HS6ST3: variants seen among roughly 807,000 people sequenced by gnomAD.
The protein encoded by HS6ST3 is heparan sulfate 6-O-sulfotransferase 3.
In HS6ST3, 12 loss-of-function variants were observed where a neutral mutation model predicts 36.7. The observed-to-expected ratio is 0.33, with a 90% confidence interval of 0.21 to 0.53. The LOEUF is 0.53. Ranked by LOEUF, HS6ST3 falls within the 20% of genes least tolerant of loss-of-function variation. HS6ST3 has a pLI of 0.95. For missense variants in HS6ST3, 584 were observed against 640.9 expected (o/e 0.91, Z 0.96); for synonymous variants, 240 against 257.5 (o/e 0.93, Z 0.65).
At chr13:96,511,749 T>C (rs1181664536) in intron 1 of HS6ST3, among the ~76,000 whole-genome samples, 2 of 152,082 alleles carry the variant, frequency 1.3e-5, no homozygotes, top group African/African-American at 4.8e-5. Context: ...CCATCAGTGT[T>C]GGTTTGTGTC....
At chr13:96,145,259 C>G (rs1035860975) in intron 1 of HS6ST3, among the ~76,000 whole-genome samples, 5 of 151,320 alleles carry the variant, frequency 3.3e-5, no homozygotes, top group African/African-American at 1.2e-4. Context: ...AACTAGTTTA[C>G]AGTCCCACCA....
intron 1 of HS6ST3, among the ~76,000 whole-genome samples, chr13:96,189,610 G>A (rs929478242): frequency 7.9e-5 from 12 of 152,156 alleles, no homozygotes; most frequent in African/African-American, 2.4e-4. Flanking sequence ...AACATTTGCT[G>A]CAGTAATAAC....
chr13:96,289,833 G>A (rs531740557), intron 1 of HS6ST3, among the ~76,000 whole-genome samples: 11 of 147,854 alleles, frequency 7.4e-5, no homozygotes, highest in African/African-American at 2.2e-4. Context: ...ATTCAAGGGC[G>A]AAGCTTTATC....
intron 1 of HS6ST3, among the ~76,000 whole-genome samples, chr13:96,624,405 T>C (rs1397770486): frequency 1.3e-5 from 2 of 152,244 alleles, no homozygotes; most frequent in Non-Finnish European, 2.9e-5. Flanking sequence ...TTGTATTTCA[T>C]ATAAATGGAA....
At chr13:96,755,532 T>C (rs550382026) in intron 1 of HS6ST3, among the ~76,000 whole-genome samples, 66 of 152,140 alleles carry the variant, frequency 4.3e-4, no homozygotes, top group Non-Finnish European at 8.8e-4. Flanking sequence ...GCCTGGCTAA[T>C]TTTTGTATTT....
intron 1 of HS6ST3, among the ~76,000 whole-genome samples, chr13:96,692,850 C>A (rs1483864097): frequency 6.6e-6 from 1 of 152,110 alleles, no homozygotes; most frequent in African/African-American, 2.4e-5. Flanking sequence ...TCAAAACTTA[C>A]TATGTAGGAG....
intron 1 of HS6ST3, among the ~76,000 whole-genome samples, chr13:96,237,821 G>A (rs1334166091): frequency 1.3e-5 from 2 of 152,098 alleles, no homozygotes; most frequent in African/African-American, 4.8e-5. Flanking sequence ...GAAACATTCT[G>A]CATTTTGCTT....
Position 96,764,963 on chromosome 13 carries a change from T to G in HS6ST3, c.708-67527T>G, listed in dbSNP as rs868600320. Among the ~76,000 whole-genome samples, 47 of 152,166 alleles carry G rather than the reference T, an allele frequency of 3.1e-4. 1 individual carries two copies. The highest frequency in any genetic ancestry group is 1.1e-3 in the African/African-American group (46 of 41,434). ...TCATTGGCCATGTCGTTAAGCCTAG[T>G]TACCCATTAGCCATGGAAGCCTATT... On this transcript the variant is annotated intron_variant, in intron 1 of 1. Coordinates refer to ENST00000376705, the MANE Select transcript of HS6ST3 (RefSeq NM_153456.4).
chr13:96,179,578 C>A (rs1029579597), intron 1 of HS6ST3, among the ~76,000 whole-genome samples: 1 of 152,176 alleles, frequency 6.6e-6, no homozygotes, highest in Admixed American at 6.5e-5. Context: ...AGTTAATAGT[C>A]TTGCAAAGAT....
intron 1 of HS6ST3, among the ~76,000 whole-genome samples, chr13:96,682,417 C>A (rs147031987): frequency 2.6e-5 from 4 of 152,036 alleles, no homozygotes; most frequent in Non-Finnish European, 5.9e-5. Flanking sequence ...TTTGTTCCTA[C>A]GCAGTTATAT....
At chr13:96,295,570 C>T (rs201188744) in intron 1 of HS6ST3, among the ~76,000 whole-genome samples, 1 of 152,076 alleles carries the variant, frequency 6.6e-6, no homozygotes, top group East Asian at 1.9e-4. Context: ...CCAGGTGTTT[C>T]CCCATTGCCC....
chr13:96,228,202 A>G (rs1335100429), intron 1 of HS6ST3, among the ~76,000 whole-genome samples: 1 of 152,234 alleles, frequency 6.6e-6, no homozygotes, highest in African/African-American at 2.4e-5. Context: ...CTGTGTTCCA[A>G]TACAACATTA....
At chr13:96,813,176 C>T (rs1481938016) in intron 1 of HS6ST3, among the ~76,000 whole-genome samples, 1 of 151,996 alleles carries the variant, frequency 6.6e-6, no homozygotes, top group Non-Finnish European at 1.5e-5. Context: ...TTTACAAAGC[C>T]CACAGATATC....
At chr13:96,754,633 G>A (rs893633581) in intron 1 of HS6ST3, among the ~76,000 whole-genome samples, 2 of 152,180 alleles carry the variant, frequency 1.3e-5, no homozygotes, top group African/African-American at 4.8e-5. Context: ...GCTCTAGGTT[G>A]AGAGTTTTTA....
chr13:96,443,315 G>A (rs1274933429), intron 1 of HS6ST3, among the ~76,000 whole-genome samples: 3 of 151,952 alleles, frequency 2.0e-5, no homozygotes, highest in African/African-American at 4.8e-5. Flanking sequence ...CGGATCACAA[G>A]GTCAGGAGAT....
intron 1 of HS6ST3, among the ~76,000 whole-genome samples, chr13:96,477,492 C>T (rs183441484): frequency 2.6e-5 from 4 of 152,288 alleles, no homozygotes; most frequent in South Asian, 4.1e-4. Context: ...GGCATCCATG[C>T]CTGCCCTACA....
At chr13:96,335,856 G>A (rs948451679) in intron 1 of HS6ST3, among the ~76,000 whole-genome samples, 1 of 152,138 alleles carries the variant, frequency 6.6e-6, no homozygotes, top group Non-Finnish European at 1.5e-5. Context: ...GTGAGTGTCA[G>A]GGGTAGAATA....
chr13:96,335,656 G>A (rs12871890), intron 1 of HS6ST3, among the ~76,000 whole-genome samples: 55,147 of 152,038 alleles, frequency 0.36, 10,295 homozygotes, highest in African/African-American at 0.43. Flanking sequence ...ATGCATGGCT[G>A]CAGTTGACTA....
At chr13:96,289,353 G>T (rs1375684023) in intron 1 of HS6ST3, among the ~76,000 whole-genome samples, 1 of 152,090 alleles carries the variant, frequency 6.6e-6, no homozygotes, top group Admixed American at 6.5e-5. Context: ...TAAAACAACT[G>T]TGATGACAAC....
Sources: allele counts gnomAD v4.1 joint callset (sites outside exome capture counted in the v4.1 genomes callset), GRCh38; gene constraint gnomAD v4.1.1; transcripts MANE v1.5; gene names NCBI Gene and HGNC (gene_info 2026-07-23, HGNC 2026-07-21).